MSRA: variants seen among roughly 807,000 people sequenced by gnomAD.
MSRA encodes mitochondrial peptide methionine sulfoxide reductase.
In MSRA, 54 loss-of-function variants were observed where a neutral mutation model predicts 31.3. The ratio of observed to expected loss-of-function variants is 1.73; its 90% confidence interval spans 1.39 to 2.17. MSRA has a LOEUF of 2.17. MSRA is among the 30% of genes most tolerant of loss of function. MSRA has a pLI of 0.00. For synonymous variants in MSRA, 169 were observed against 116.5 expected (o/e 1.45, Z -2.90); for missense variants, 507 against 300.9 (o/e 1.69, Z -5.07).
chr8:10,366,895 C>A (rs913211354), intron 5 of MSRA, among the ~76,000 whole-genome samples: 4 of 152,090 alleles, frequency 2.6e-5, no homozygotes, highest in Admixed American at 6.5e-5. Context: ...TCTGTGAAAG[C>A]CACTTGGGTT....
rs961133265 is a variant in MSRA at position 10,366,608 on chromosome 8, G to A, written c.543+46619G>A. On this transcript the variant is annotated intron_variant, in intron 5 of 5. Coordinates refer to ENST00000317173, the MANE Select transcript of MSRA (RefSeq NM_012331.5). ...GAGAGTGGCATCTCCCTTTGGAAGC[G>A]TTCTCTCACCCCCAGCACCATCCCT... 3.3e-5 allele frequency among the ~76,000 whole-genome samples: 5 copies of A among 152,264 alleles called. No homozygotes were observed. The East Asian group carries it at 5.8e-4, about 18-fold the overall frequency.
chr8:10,281,295 C>T (rs890590978), intron 3 of MSRA, among the ~76,000 whole-genome samples: 2 of 152,240 alleles, frequency 1.3e-5, no homozygotes, highest in Non-Finnish European at 2.9e-5. Context: ...CTCTCCCTCT[C>T]TGCCATTCTC....
At chr8:10,113,289 C>CTTTTTTTTTTTTGTT in intron 1 of MSRA, among the ~76,000 whole-genome samples, 1 of 50,898 alleles carries the variant, frequency 2.0e-5, no homozygotes, top group Non-Finnish European at 3.2e-5. Flanking sequence ...GAAGACAGGT[C>CTTTTTTTTTTTTGTT]TTCTTTTTTT....
intron 3 of MSRA, among the ~76,000 whole-genome samples, chr8:10,282,518 G>A (rs539766597): frequency 3.2e-4 from 49 of 152,310 alleles, no homozygotes; most frequent in African/African-American, 1.1e-3. Flanking sequence ...TGTCCATTCT[G>A]TGTCCCCTTG....
At chr8:10,424,885 G>A (rs1044893530) in intron 5 of MSRA, among the ~76,000 whole-genome samples, 1 of 152,216 alleles carries the variant, frequency 6.6e-6, no homozygotes, top group South Asian at 2.1e-4. Flanking sequence ...CACTTGTGCC[G>A]CACACAGCGG....
intron 3 of MSRA, among the ~76,000 whole-genome samples, chr8:10,261,927 C>G (rs1261183348): frequency 6.6e-6 from 1 of 152,204 alleles, no homozygotes; most frequent in African/African-American, 2.4e-5. Context: ...TCCGCCTTTT[C>G]CAGAATGTCA....
At chr8:10,281,445 ATAAACCCACTGGGATGGCACAGCCT>A (rs1799617948) in intron 3 of MSRA, among the ~76,000 whole-genome samples, 1 of 152,234 alleles carries the variant, frequency 6.6e-6, no homozygotes, top group South Asian at 2.1e-4. Flanking sequence ...GTAATCATCT[ATAAACCCACTGGGATGGCACAGCCT>A]TGACAATGCG....
chr8:10,408,321 C>T (rs760910944), intron 5 of MSRA, among the ~76,000 whole-genome samples: 1 of 152,136 alleles, frequency 6.6e-6, no homozygotes, highest in Non-Finnish European at 1.5e-5. Flanking sequence ...CAGATCACTT[C>T]GGCCCAGGAG....
At chr8:10,266,218 A>C (rs1798740205) in intron 3 of MSRA, among the ~76,000 whole-genome samples, 1 of 152,210 alleles carries the variant, frequency 6.6e-6, no homozygotes, top group Non-Finnish European at 1.5e-5. Context: ...TCAGCAGTGT[A>C]CGAGGGTTCC....
At chr8:10,337,447 G>A (rs1803124834) in intron 5 of MSRA, 2 of 400,414 alleles carry the variant, frequency 5.0e-6, no homozygotes, top group Admixed American at 4.2e-5. Context: ...CCAAAGTGCT[G>A]GGATTACAGG....
chr8:10,406,608 G>A (rs946277180), intron 5 of MSRA, among the ~76,000 whole-genome samples: 3 of 152,216 alleles, frequency 2.0e-5, no homozygotes. Context: ...TCTCCTTGGT[G>A]CTGGCCAGTC....
At chr8:10,090,427 G>C (rs923858779) in intron 1 of MSRA, among the ~76,000 whole-genome samples, 4 of 152,214 alleles carry the variant, frequency 2.6e-5, no homozygotes, top group Admixed American at 2.6e-4. Flanking sequence ...TTTAGTTAAT[G>C]TATAGTATTG....
rs1179681773 is a variant in MSRA at position 10,149,038 on chromosome 8, C to G, written c.143-58795C>G. ...TGGTTCAGTCTTGGCTCAGTGTAAC[C>G]TCTGCCTCCCAGGTTCCAGTGATTG... On this transcript the variant is annotated intron_variant, in intron 1 of 5. Transcript: ENST00000317173. 3.3e-5 allele frequency among the ~76,000 whole-genome samples: 5 copies of G among 151,298 alleles called. No individual in the cohort carries two copies. The East Asian group carries it at 7.7e-4, about 23-fold the overall frequency.
intron 2 of MSRA, among the ~76,000 whole-genome samples, chr8:10,210,797 G>A (rs933631436): frequency 1.3e-4 from 19 of 150,910 alleles, no homozygotes; most frequent in African/African-American, 3.4e-4. Flanking sequence ...GCACTGGCAC[G>A]ATCTGAGCTC....
chr8:10,148,736 G>C (rs1261697149), intron 1 of MSRA, among the ~76,000 whole-genome samples: 1 of 98,608 alleles, frequency 1.0e-5, no homozygotes, highest in Non-Finnish European at 2.3e-5. Context: ...CAGGAGGTCA[G>C]GGCTGCAGTG....
At chr8:10,289,708 G>T (rs1172000754) in intron 3 of MSRA, among the ~76,000 whole-genome samples, 1 of 152,282 alleles carries the variant, frequency 6.6e-6, no homozygotes, top group East Asian at 1.9e-4. Flanking sequence ...CATGCTCGTA[G>T]GGCCTCTCTA....
At chr8:10,341,622 G>C (rs1206180205) in intron 5 of MSRA, among the ~76,000 whole-genome samples, 2 of 152,184 alleles carry the variant, frequency 1.3e-5, no homozygotes, top group Admixed American at 1.3e-4. Flanking sequence ...TTAGTACTTA[G>C]TCTTGGGCAT....
At chr8:10,299,187 CACA>C (rs1185539205) in intron 3 of MSRA, among the ~76,000 whole-genome samples, 7 of 152,038 alleles carry the variant, frequency 4.6e-5, no homozygotes, top group African/African-American at 1.7e-4. Flanking sequence ...TGTATTTCTT[CACA>C]TAGGAAGAAA....
intron 1 of MSRA, among the ~76,000 whole-genome samples, chr8:10,095,340 A>G (rs991920306): frequency 2.0e-5 from 3 of 152,244 alleles, no homozygotes; most frequent in Non-Finnish European, 4.4e-5. Context: ...AGTAATAATT[A>G]TGAAAGGTAG....
Sources: gnomAD v4.1 joint callset for allele counts (sites outside exome capture counted in the v4.1 genomes callset) on GRCh38, gnomAD v4.1.1 for gene constraint, MANE v1.5 for transcripts, NCBI Gene and HGNC (gene_info 2026-07-23, HGNC 2026-07-21) for gene names.